The following CELF2 variants were observed in gnomAD, a reference collection of about 807,000 sequenced individuals.
CELF2 encodes the protein CUG triplet repeat RNA-binding protein 2.
Under a neutral mutation model 62.6 loss-of-function variants are expected in CELF2, and 8 were observed. The ratio of observed to expected loss-of-function variants is 0.13; its 90% CI spans 0.07 to 0.23. The LOEUF (loss-of-function observed/expected upper bound fraction) is 0.23. Ranked by LOEUF, CELF2 falls within the 10% of genes least tolerant of loss-of-function variation. CELF2 has a pLI of 1.00. For missense variants in CELF2, 333 were observed against 671.0 expected (o/e 0.50, Z 5.56); for synonymous variants, 258 against 250.0 (o/e 1.03, Z -0.30).
chr10:10,950,457 G>A (rs973242533), intron 2 of CELF2, among the ~76,000 whole-genome samples: 40 of 152,306 alleles, frequency 2.6e-4, no homozygotes, highest in African/African-American at 8.7e-4. Context: ...AGTGATAACT[G>A]CAGGAGGAAG....
At chr10:11,137,713 C>T (rs1020838237) in intron 1 of CELF2, among the ~76,000 whole-genome samples, 3 of 152,190 alleles carry the variant, frequency 2.0e-5, no homozygotes, top group Non-Finnish European at 4.4e-5. Context: ...TTTGCCTTTC[C>T]CTGAAAAGTA....
intron 2 of CELF2, among the ~76,000 whole-genome samples, chr10:10,932,181 C>T (rs951909834): frequency 2.6e-5 from 4 of 152,028 alleles, no homozygotes; most frequent in Non-Finnish European, 5.9e-5. Flanking sequence ...ATGATCCCTG[C>T]CCTTAAGAAC....
At chr10:10,704,522 C>A in the CELF2 span, among the ~76,000 whole-genome samples, 1 of 152,084 alleles carries the variant, frequency 6.6e-6, no homozygotes, top group South Asian at 2.1e-4. Context: ...AAATAGTGAA[C>A]AATAATATAA....
Position 11,270,570 on chromosome 10 carries a change from A to T in CELF2, c.619-96A>T, listed in dbSNP as rs935847103. 1.8e-6 allele frequency: 2 copies of T among 1,083,442 alleles called. No individual in the cohort carries two copies. The highest frequency in any genetic ancestry group is 3.2e-5 in the African/African-American group (2 of 61,588). The allele number at this position is 1,083,442 out of a possible 1,614,324, so 67.1% of individuals were successfully genotyped here. A position where few individuals can be genotyped will look rare whatever the true frequency, so the allele number is the denominator to read the frequency against. On this transcript the variant is annotated intron_variant, in intron 6 of 12. Coordinates refer to ENST00000633077, the MANE Select transcript of CELF2 (RefSeq NM_001326342.2). The surrounding 1 kb of genome is among the most constrained non-coding windows in gnomAD (Gnocchi z 5.8). ...CATTTCAGCCCATTCCATGTGCTCCAGGCTAGTGCAGAAAGGTAGCTCCGG... is the reference window on the plus strand; with the variant it reads ...CATTTCAGCCCATTCCATGTGCTCCTGGCTAGTGCAGAAAGGTAGCTCCGG...
intron 1 of CELF2, among the ~76,000 whole-genome samples, chr10:11,089,967 A>C (rs1036336039): frequency 1.3e-5 from 2 of 152,198 alleles, no homozygotes; most frequent in African/African-American, 4.8e-5. Flanking sequence ...GTGGGAGCTG[A>C]ACACTGGGTA....
At chr10:11,092,626 A>G (rs530393834) in intron 1 of CELF2, among the ~76,000 whole-genome samples, 1 of 152,236 alleles carries the variant, frequency 6.6e-6, no homozygotes, top group Non-Finnish European at 1.5e-5. Context: ...GAGACTTAAC[A>G]AGGCTTGTTT....
chr10:10,834,108 T>A (rs899879374), intron 1 of CELF2, among the ~76,000 whole-genome samples: 1 of 152,174 alleles, frequency 6.6e-6, no homozygotes, highest in Non-Finnish European at 1.5e-5. Flanking sequence ...ATGGTACATA[T>A]ACATCATGGA....
the CELF2 span, among the ~76,000 whole-genome samples, chr10:10,570,822 G>C: frequency 6.6e-6 from 1 of 152,118 alleles, no homozygotes. Flanking sequence ...TGTCTAAAGA[G>C]AGTTTCAGAA....
chr10:10,786,247 C>T, the CELF2 span, among the ~76,000 whole-genome samples: 1 of 152,172 alleles, frequency 6.6e-6, no homozygotes, highest in African/African-American at 2.4e-5. Context: ...AGGGACAATA[C>T]ATGCCTCATC....
the CELF2 span, among the ~76,000 whole-genome samples, chr10:10,643,389 C>T: frequency 2.0e-5 from 3 of 152,086 alleles, no homozygotes; most frequent in East Asian, 3.9e-4. Flanking sequence ...AAGCGCAGTT[C>T]CCCTGCACAT....
chr10:10,614,347 A>G, the CELF2 span, among the ~76,000 whole-genome samples: 1 of 151,610 alleles, frequency 6.6e-6, no homozygotes, highest in Non-Finnish European at 1.5e-5. Context: ...CTCCTACCTC[A>G]TTTTCCTCCA....
intron 1 of CELF2, among the ~76,000 whole-genome samples, chr10:10,880,644 A>C (rs898107352): frequency 2.9e-4 from 44 of 152,332 alleles, no homozygotes; most frequent in African/African-American, 1.1e-3. Context: ...AGAAGCGAAC[A>C]GACTGGGAAA....
intron 2 of CELF2, among the ~76,000 whole-genome samples, chr10:10,971,997 C>A (rs1445453688): frequency 2.0e-5 from 3 of 152,078 alleles, no homozygotes; most frequent in Non-Finnish European, 4.4e-5. Flanking sequence ...TACACATATA[C>A]CATCCTCATT....
At chr10:10,999,159 G>A (rs2054267244) in intron 2 of CELF2, among the ~76,000 whole-genome samples, 2 of 152,108 alleles carry the variant, frequency 1.3e-5, no homozygotes, top group Non-Finnish European at 2.9e-5. Context: ...TCCTCGTTGA[G>A]CGTGGTATTT....
At chr10:10,600,153 G>C in the CELF2 span, among the ~76,000 whole-genome samples, 5 of 152,252 alleles carry the variant, frequency 3.3e-5, no homozygotes, top group Non-Finnish European at 7.3e-5. Context: ...CTGTCCTCAG[G>C]AAAGTGCAGA....
chr10:11,118,452 C>T (rs547541271), intron 1 of CELF2, among the ~76,000 whole-genome samples: 256 of 152,190 alleles, frequency 1.7e-3, no homozygotes, highest in Non-Finnish European at 2.9e-3. Flanking sequence ...CAAGTGTGAG[C>T]CCCCATGTGC....
At chr10:11,019,592 CA>C (rs143232497) in intron 1 of CELF2, among the ~76,000 whole-genome samples, 4 of 151,190 alleles carry the variant, frequency 2.6e-5, no homozygotes, top group East Asian at 3.9e-4. Flanking sequence ...ACCTCCCCAC[CA>C]AAAAAAAGGA....
chr10:11,270,831 G>A lies in CELF2; in HGVS notation c.777+7G>A. The stretch of plus-strand genomic sequence containing the variant: ...GACCCCACAGTATCTGGCGGTAAGT[G>A]CTGGGCAATGCCGGCGTGGTCTTCA... On this transcript the variant is annotated splice_region_variant and intron_variant, in intron 7 of 12. Transcript: ENST00000633077. The surrounding 1 kb of genome is among the most constrained non-coding windows in gnomAD (Gnocchi z 5.8). 2 of 1,372,420 alleles carry A rather than the reference G, an allele frequency of 1.5e-6. No individual in the cohort carries two copies. Among genetic ancestry groups the A allele is most frequent in the South Asian group, 2.0e-5 (1 of 51,152 alleles). 85.0% of individuals were successfully genotyped at this position (1,372,420 alleles called of 1,614,324 possible).
intron 1 of CELF2, among the ~76,000 whole-genome samples, chr10:11,126,342 A>G (rs376071233): frequency 2.0e-5 from 3 of 152,222 alleles, no homozygotes; most frequent in African/African-American, 7.2e-5. Flanking sequence ...AAAATGGACC[A>G]GTATACCTAC....
Sources: gnomAD v4.1 joint callset for allele counts (sites outside exome capture counted in the v4.1 genomes callset) on GRCh38, gnomAD v4.1.1 for gene constraint, Gnocchi (gnomAD v3.1) non-coding constraint, MANE v1.5 for transcripts, NCBI Gene and HGNC (gene_info 2026-07-23, HGNC 2026-07-21) for gene names.